The following MACROD2 variants were observed in gnomAD, a reference collection of about 807,000 sequenced individuals.
MACROD2 encodes the protein mono-ADP ribosylhydrolase 2, also known as ADP-ribose glycohydrolase MACROD2.
Under a neutral mutation model 70.4 loss-of-function variants are expected in MACROD2, and 36 were observed. That is an observed-to-expected ratio of 0.51 (90% CI 0.39 to 0.68). The LOEUF (loss-of-function observed/expected upper bound fraction) is 0.68. Ranked by LOEUF, MACROD2 falls within the 30% of genes least tolerant of loss-of-function variation. MACROD2 has a pLI of 0.00. For synonymous variants in MACROD2, 172 were observed against 178.8 expected (o/e 0.96, Z 0.30); for missense variants, 496 against 538.4 (o/e 0.92, Z 0.78).
At chr20:15,540,431 G>A (rs1364399717) in intron 8 of MACROD2, among the ~76,000 whole-genome samples, 1 of 152,140 alleles carries the variant, frequency 6.6e-6, no homozygotes, top group African/African-American at 2.4e-5. Context: ...AGAAGGAAGT[G>A]TGGCCAAGGA....
intron 5 of MACROD2, among the ~76,000 whole-genome samples, chr20:14,826,462 C>T (rs2072904040): frequency 6.6e-6 from 1 of 152,046 alleles, no homozygotes; most frequent in Non-Finnish European, 1.5e-5. Context: ...GTTTCTGTTG[C>T]TTGCAGTAAT....
intron 8 of MACROD2, among the ~76,000 whole-genome samples, chr20:15,749,834 C>T (rs1375238928): frequency 2.0e-5 from 3 of 151,988 alleles, no homozygotes; most frequent in Non-Finnish European, 2.9e-5. Context: ...ACCTATCTCT[C>T]GCTACATACA....
At chr20:15,643,060 G>A (rs1439526442) in intron 8 of MACROD2, among the ~76,000 whole-genome samples, 1 of 152,188 alleles carries the variant, frequency 6.6e-6, no homozygotes, top group Non-Finnish European at 1.5e-5. Flanking sequence ...AGAAATAAGT[G>A]CAGTAACTTG....
intron 5 of MACROD2, among the ~76,000 whole-genome samples, chr20:14,693,187 TG>T (rs1350749923): frequency 9.9e-5 from 15 of 152,252 alleles, no homozygotes; most frequent in African/African-American, 3.6e-4. Flanking sequence ...TTAACCACAG[TG>T]GGGGTAATCA....
chr20:15,774,335 GC>G (rs1198762038), intron 8 of MACROD2, among the ~76,000 whole-genome samples: 1 of 152,156 alleles, frequency 6.6e-6, no homozygotes, highest in Non-Finnish European at 1.5e-5. Flanking sequence ...TGTAGTGGGA[GC>G]CTTAGGCCTC....
At chr20:14,518,836 A>G (rs566425950) in intron 4 of MACROD2, among the ~76,000 whole-genome samples, 47 of 152,316 alleles carry the variant, frequency 3.1e-4, no homozygotes, top group African/African-American at 1.1e-3. Context: ...TAAGAGAGGA[A>G]GCACAGATAT....
intron 8 of MACROD2, among the ~76,000 whole-genome samples, chr20:15,628,591 G>A (rs200762): frequency 0.085 from 12,957 of 152,280 alleles, 600 homozygotes; most frequent in Middle Eastern, 0.095. Context: ...GTTGCAGTCC[G>A]TGATTTTGTC....
At chr20:14,948,012 T>C (rs2423867) in intron 5 of MACROD2, among the ~76,000 whole-genome samples, 16,816 of 152,060 alleles carry the variant, frequency 0.11, 1,237 homozygotes, top group Non-Finnish European at 0.16. Flanking sequence ...AAGGAGCAGC[T>C]CCCTCGCCTG....
intron 10 of MACROD2, among the ~76,000 whole-genome samples, chr20:15,890,403 A>G (rs2064872773): frequency 6.6e-6 from 1 of 152,310 alleles, no homozygotes; most frequent in Non-Finnish European, 1.5e-5. Flanking sequence ...CATTGCAGTG[A>G]CATAGAAGGG....
chr20:15,042,109 G>T (rs1000922802), intron 5 of MACROD2, among the ~76,000 whole-genome samples: 1 of 151,660 alleles, frequency 6.6e-6, no homozygotes, highest in African/African-American at 2.4e-5. Context: ...ACTAGTGAAA[G>T]AAAAAATAAA....
At chr20:15,386,085 A>ATGACAGCTGTCAGTG (rs2045709401) in intron 6 of MACROD2, among the ~76,000 whole-genome samples, 1 of 152,120 alleles carries the variant, frequency 6.6e-6, no homozygotes, top group Non-Finnish European at 1.5e-5. Flanking sequence ...ACACAAGGAG[A>ATGACAGCTGTCAGTG]TGACAGCTGT....
Position 15,763,687 on chromosome 20 carries a change from AAAAC to A in MACROD2, c.646-99056_646-99053del, listed in dbSNP as rs530340649. ...ATCCAAATAATCTTGCCTTAAAAAA[AAAAC>A]ACAGATTTTTGTCTCAATGTTCTAT... On this transcript the variant is annotated intron_variant, in intron 8 of 17. Transcript: ENST00000684519. 2.7e-4 allele frequency among the ~76,000 whole-genome samples: 41 copies of A among 152,342 alleles called. No individual in the cohort carries two copies. In the East Asian group the frequency reaches 3.3e-3, roughly 12 times the overall value.
At chr20:14,945,695 T>G (rs1283347675) in intron 5 of MACROD2, among the ~76,000 whole-genome samples, 1 of 152,082 alleles carries the variant, frequency 6.6e-6, no homozygotes, top group Non-Finnish European at 1.5e-5. Context: ...GGGAATGAAC[T>G]GCGGGAGACA....
At chr20:15,700,994 A>G (rs1359549129) in intron 8 of MACROD2, among the ~76,000 whole-genome samples, 1 of 152,242 alleles carries the variant, frequency 6.6e-6, no homozygotes, top group Non-Finnish European at 1.5e-5. Context: ...AGCCCCATTC[A>G]GCTGTTTAAC....
chr20:15,436,170 T>C (rs995962987), intron 7 of MACROD2, among the ~76,000 whole-genome samples: 1 of 152,094 alleles, frequency 6.6e-6, no homozygotes, highest in Non-Finnish European at 1.5e-5. Flanking sequence ...AATTACTTCA[T>C]ATGTCCTGCA....
chr20:15,320,736 T>C lies in MACROD2; in HGVS notation c.540+90675T>C, dbSNP rs528805917. Among the ~76,000 whole-genome samples the C allele has an allele frequency of 4.6e-5, 7 of 152,282 alleles. No homozygotes were observed. In the South Asian group the frequency reaches 1.5e-3, roughly 32 times the overall value. ...ACATTATCTATGGTCATCAGGCACT[T>C]ACTCCTTAGGTCCCTGTAGTATTCT... On this transcript the variant is annotated intron_variant, in intron 6 of 17. Transcript: ENST00000684519.
chr20:14,391,470 G>C (rs1382208128), intron 3 of MACROD2, among the ~76,000 whole-genome samples: 1 of 151,996 alleles, frequency 6.6e-6, no homozygotes, highest in East Asian at 1.9e-4. Context: ...GGGCTAATCA[G>C]AAGCTGGAAG....
chr20:14,695,843 A>G (rs2071119280), intron 5 of MACROD2, among the ~76,000 whole-genome samples: 1 of 152,240 alleles, frequency 6.6e-6, no homozygotes, highest in South Asian at 2.1e-4. Context: ...AGCCACTCCA[A>G]AATTCCTGGC....
At chr20:14,520,953 G>GCA (rs1159756444) in intron 4 of MACROD2, among the ~76,000 whole-genome samples, 5 of 81,632 alleles carry the variant, frequency 6.1e-5, no homozygotes. Flanking sequence ...ACGCGTGCGT[G>GCA]CGCGCACACA....
Sources: gnomAD v4.1 joint callset for allele counts (sites outside exome capture counted in the v4.1 genomes callset) on GRCh38, gnomAD v4.1.1 for gene constraint, MANE v1.5 for transcripts, NCBI Gene and HGNC (gene_info 2026-07-23, HGNC 2026-07-21) for gene names.